The following DHX35 variants were observed in gnomAD, a reference collection of about 807,000 sequenced individuals.
DHX35 encodes the protein DEAH-box helicase 35, also known as probable ATP-dependent RNA helicase DHX35.
In DHX35, 84 loss-of-function variants were observed where a neutral mutation model predicts 99.6. The observed-to-expected ratio is 0.84, with a 90% CI of 0.71 to 1.01. The LOEUF is 1.01. Ranked by LOEUF, DHX35 falls within the 50% of genes least tolerant of loss-of-function variation. The pLI is 0.00. For synonymous variants in DHX35, 331 were observed against 316.2 expected, an observed-to-expected ratio of 1.05 and a Z score of -0.50; for missense variants, 852 against 888.5, an observed-to-expected ratio of 0.96 and a Z score of 0.52.
chr20:38,971,413 A>G (rs1428095238), intron 2 of DHX35, among the ~76,000 whole-genome samples: 1 of 152,194 alleles, frequency 6.6e-6, no homozygotes, highest in African/African-American at 2.4e-5. Context: ...GTTAAAGATC[A>G]CTGCCTCTTC....
intron 21 of DHX35, among the ~76,000 whole-genome samples, chr20:39,038,081 A>G (rs1196752533): frequency 6.6e-6 from 1 of 152,070 alleles, no homozygotes; most frequent in Admixed American, 6.5e-5. Flanking sequence ...TCCTAAAGAG[A>G]GGATAATTTT....
At chr20:39,033,979 T>G (rs1005072815) in intron 20 of DHX35, among the ~76,000 whole-genome samples, 1 of 152,176 alleles carries the variant, frequency 6.6e-6, no homozygotes, top group African/African-American at 2.4e-5. Context: ...ACTGAGATGT[T>G]CCAGAAGTCA....
At chr20:38,982,960 C>G (rs1471200910) in intron 3 of DHX35, among the ~76,000 whole-genome samples, 1 of 147,494 alleles carries the variant, frequency 6.8e-6, no homozygotes. Flanking sequence ...GAATCTCTCT[C>G]TGTCACCCAG....
In DHX35 at chr20:39,018,798, T is replaced by C; in HGVS notation, c.1403-6T>C. On this transcript the variant is annotated splice_region_variant and splice_polypyrimidine_tract_variant and intron_variant, in intron 14 of 21. Transcript: ENST00000252011. ...CTTCTGATTTCTTTTGTTGTTCTTA[T>C]GGCAGGTCTGGACAAAGACTGTCGC... 2 of 1,613,546 alleles carry C rather than the reference T, an allele frequency of 1.2e-6. No individual in the cohort carries two copies. Among genetic ancestry groups the C allele is most frequent in the South Asian group, 1.1e-5 (1 of 91,012 alleles).
chr20:39,035,730 C>G (rs1216557250), intron 21 of DHX35, among the ~76,000 whole-genome samples: 7 of 152,182 alleles, frequency 4.6e-5, no homozygotes, highest in Admixed American at 1.3e-4. Context: ...GCTTACTTGC[C>G]TGCTGCACTC....
At chr20:39,015,864 C>A (rs748844526) in intron 14 of DHX35, among the ~76,000 whole-genome samples, 3 of 152,138 alleles carry the variant, frequency 2.0e-5, no homozygotes, top group Non-Finnish European at 2.9e-5. Context: ...CCCCTAGTCC[C>A]CCAGCCCAAG....
At chr20:39,006,036 C>T (rs2086610174) in intron 11 of DHX35, 110 bp from the exon 12 acceptor site, 1 of 1,293,114 alleles carries the variant, frequency 7.7e-7, no homozygotes, top group Non-Finnish European at 1.1e-6. Flanking sequence ...TAAACTGCCT[C>T]TCACAGATTC....
chr20:38,985,374 C>CA (rs58084339), intron 4 of DHX35, among the ~76,000 whole-genome samples: 3,813 of 73,098 alleles, frequency 0.052, 62 homozygotes, highest in Middle Eastern at 0.061. Flanking sequence ...ACCCTATCTC[C>CA]AAAAAAAAAA....
chr20:39,021,242 C>G (rs1466924884), intron 15 of DHX35, among the ~76,000 whole-genome samples: 4 of 152,218 alleles, frequency 2.6e-5, no homozygotes, highest in Admixed American at 6.5e-5. Flanking sequence ...CGCTCATTCC[C>G]TGTCCCCTCT....
chr20:39,023,934 G>C (rs2086911525), intron 17 of DHX35, among the ~76,000 whole-genome samples, 167 bp downstream of exon 17: 1 of 152,196 alleles, frequency 6.6e-6, no homozygotes, highest in South Asian at 2.1e-4. Flanking sequence ...CGGGCTTTCT[G>C]CCTGAGTTTG....
intron 16 of DHX35, among the ~76,000 whole-genome samples, chr20:39,023,268 C>T (rs1423386060): frequency 6.6e-6 from 1 of 152,216 alleles, no homozygotes; most frequent in African/African-American, 2.4e-5. Flanking sequence ...CAAGATATGG[C>T]AGAGCTAGAA....
chr20:39,011,678 A>G (rs1358632224), intron 13 of DHX35, among the ~76,000 whole-genome samples: 1 of 152,272 alleles, frequency 6.6e-6, no homozygotes. Flanking sequence ...TACTTCTTAT[A>G]TTTGGGTCAG....
At position 39,013,680 on chromosome 20, in the gene DHX35, C is replaced by T. The variant is rs117789758; in HGVS notation, c.1348-1200C>T. ...TCAGAGATTGCTATTCCTGTTACCT[C>T]ATCCACTCTCAGTATAAAAGATCCC... is the stretch of plus-strand genomic sequence containing the variant. On this transcript the variant is annotated intron_variant, in intron 13 of 21. Coordinates refer to ENST00000252011, the MANE Select transcript of DHX35 (RefSeq NM_021931.4). Among the ~76,000 whole-genome samples the T allele has an allele frequency of 4.8e-3, 731 of 152,308 alleles. 4 individuals are homozygous for T. The highest frequency in any genetic ancestry group is 4.5e-3 in the Non-Finnish European group (308 of 68,034).
chr20:39,002,265 A>T (rs1319942409), intron 9 of DHX35, among the ~76,000 whole-genome samples: 1 of 152,214 alleles, frequency 6.6e-6, no homozygotes, highest in Admixed American at 6.5e-5. Flanking sequence ...GGAAGGGGCC[A>T]TCCTAATTCC....
chr20:39,009,033 C>T (rs1460516386), intron 12 of DHX35, among the ~76,000 whole-genome samples: 1 of 152,174 alleles, frequency 6.6e-6, no homozygotes, highest in East Asian at 1.9e-4. Context: ...AGGGGATTGG[C>T]TGTGACTCCT....
At chr20:38,977,117 G>A (rs141134175) in intron 3 of DHX35, among the ~76,000 whole-genome samples, 64 of 152,094 alleles carry the variant, frequency 4.2e-4, no homozygotes, top group Non-Finnish European at 7.9e-4. Context: ...CCCAGTAGTG[G>A]GATTGCTGCA....
At position 39,006,202 on chromosome 20, in the gene DHX35, T is replaced by C. The variant is rs746494551; in HGVS notation, c.1068T>C (p.Tyr356=). The change falls in exon 12 of 22, where the codon TAT becomes TAC. Residue 356 remains tyrosine (Y), a synonymous_variant. Coordinates refer to ENST00000252011, the MANE Select transcript of DHX35 (RefSeq NM_021931.4). The part of the protein sequence containing the change: ...ETSITISGIV[Y]VIDCGFVKLR... ...CTATCACAATCAGCGGCATTGTGTA[T>C]GTGATCGACTGTGGCTTTGTGAAAC... 11 of 1,614,186 alleles carry C rather than the reference T, an allele frequency of 6.8e-6. No homozygotes were observed. The highest frequency in any genetic ancestry group is 1.6e-4 in the Middle Eastern group (1 of 6,062).
chr20:39,010,904 C>T (rs1241708851), intron 13 of DHX35, among the ~76,000 whole-genome samples: 1 of 152,080 alleles, frequency 6.6e-6, no homozygotes, highest in Non-Finnish European at 1.5e-5. Flanking sequence ...GTCAAAGGGC[C>T]GTTGTCCTGT....
intron 7 of DHX35, among the ~76,000 whole-genome samples, chr20:38,992,967 A>G (rs371826130): frequency 6.6e-6 from 1 of 152,232 alleles, no homozygotes; most frequent in Non-Finnish European, 1.5e-5. Context: ...AAAGAAGTGT[A>G]TAATGACCCC....
Sources: gnomAD v4.1 joint callset for allele counts (sites outside exome capture counted in the v4.1 genomes callset) on GRCh38, gnomAD v4.1.1 for gene constraint, MANE v1.5 for transcripts, NCBI Gene and HGNC (gene_info 2026-07-23, HGNC 2026-07-21) for gene names.